Variants in PHKB observed in about 807,000 individuals in gnomAD.
PHKB encodes phosphorylase b kinase regulatory subunit beta.
In PHKB, 122 loss-of-function variants were observed where a neutral mutation model predicts 152.1. The observed-to-expected ratio is 0.80, with a 90% confidence interval of 0.69 to 0.93. The LOEUF is 0.93. PHKB is among the 40% of genes least tolerant of loss of function. The pLI, the probability that PHKB is intolerant of heterozygous loss-of-function variation, is 0.00. For synonymous variants in PHKB, 436 were observed against 464.9 expected (o/e 0.94, Z 0.80); for missense variants, 1,304 against 1,328.4 (o/e 0.98, Z 0.29).
chr16:47,533,307 C>T (rs1970894225), intron 6 of PHKB, among the ~76,000 whole-genome samples: 2 of 152,134 alleles, frequency 1.3e-5, no homozygotes, highest in South Asian at 2.1e-4. Context: ...AAAAAAGGCA[C>T]CACACGTTCT....
chr16:47,553,668 G>T (rs1386382906), intron 7 of PHKB, among the ~76,000 whole-genome samples: 1 of 152,130 alleles, frequency 6.6e-6, no homozygotes, highest in Non-Finnish European at 1.5e-5. Flanking sequence ...CCTGTTCGTC[G>T]ATTTATCTAC....
intron 14 of PHKB, among the ~76,000 whole-genome samples, chr16:47,631,726 G>A (rs1236046827): frequency 2.6e-5 from 4 of 152,144 alleles, no homozygotes; most frequent in African/African-American, 9.7e-5. Context: ...AAAACATGCA[G>A]TGTTTGGTTT....
At chr16:47,552,032 C>A (rs1354856014) in intron 7 of PHKB, among the ~76,000 whole-genome samples, 2 of 152,152 alleles carry the variant, frequency 1.3e-5, no homozygotes, top group African/African-American at 2.4e-5. Flanking sequence ...ACTAGGATTG[C>A]CACCCTGCTT....
At chr16:47,540,985 G>T (rs112760877) in intron 6 of PHKB, among the ~76,000 whole-genome samples, 2 of 151,552 alleles carry the variant, frequency 1.3e-5, no homozygotes. Flanking sequence ...ACATCACCAC[G>T]CCTGGCTAAT....
intron 5 of PHKB, among the ~76,000 whole-genome samples, chr16:47,514,797 T>C (rs562454167): frequency 1.3e-5 from 2 of 152,370 alleles, no homozygotes; most frequent in African/African-American, 4.8e-5. Flanking sequence ...CCATTCAGGA[T>C]TCTGTGAGTA....
At chr16:47,504,272 G>A (rs1270800511) in intron 4 of PHKB, among the ~76,000 whole-genome samples, 2 of 152,206 alleles carry the variant, frequency 1.3e-5, no homozygotes, top group Non-Finnish European at 1.5e-5. Flanking sequence ...TATGTAAAAT[G>A]TCTGTCAGGG....
At position 47,650,200 on chromosome 16, in the gene PHKB, C is replaced by A. The variant is rs187384744; in HGVS notation, c.1798-344C>A. Reference sequence around the variant, plus strand: ...GCTGAGGCAGGTGGATCACTTGAGCCCAGGAGTTCTAGACCAGTCTTGGCA... The same window carrying A: ...GCTGAGGCAGGTGGATCACTTGAGCACAGGAGTTCTAGACCAGTCTTGGCA... On this transcript the variant is annotated intron_variant, in intron 18 of 30. Coordinates refer to ENST00000323584, the MANE Select transcript of PHKB (RefSeq NM_000293.3). Among the ~76,000 whole-genome samples the A allele has an allele frequency of 7.9e-5, 12 of 151,822 alleles. No individual in the cohort carries two copies. In the East Asian group the frequency reaches 2.3e-3, roughly 29 times the overall value.
intron 26 of PHKB, among the ~76,000 whole-genome samples, chr16:47,673,779 A>G (rs1258257837): frequency 3.3e-5 from 5 of 152,232 alleles, no homozygotes; most frequent in African/African-American, 7.2e-5. Context: ...GCAATGAATA[A>G]TAGAAGAAGA....
intron 14 of PHKB, among the ~76,000 whole-genome samples, chr16:47,640,125 A>G (rs1205988716): frequency 2.0e-5 from 3 of 152,208 alleles, no homozygotes; most frequent in Non-Finnish European, 4.4e-5. Context: ...TTTACTGCTG[A>G]TATATGTATG....
chr16:47,693,249 A>T, intron 27 of PHKB, 129 bp from the exon 28 acceptor site: 1 of 837,246 alleles, frequency 1.2e-6, no homozygotes, highest in Non-Finnish European at 2.0e-6. Flanking sequence ...ACACACGGAG[A>T]TATGCATCAT....
intron 13 of PHKB, among the ~76,000 whole-genome samples, chr16:47,602,628 TCAGA>T (rs1001076339): frequency 6.7e-6 from 1 of 149,078 alleles, no homozygotes; most frequent in Non-Finnish European, 1.5e-5. Context: ...AGCTTAGGAA[TCAGA>T]CAGTCCAGGA....
At chr16:47,584,915 G>C (rs2151695297) in intron 8 of PHKB, among the ~76,000 whole-genome samples, 1 of 152,256 alleles carries the variant, frequency 6.6e-6, no homozygotes, top group East Asian at 1.9e-4. Context: ...CTTTTTAATT[G>C]AGACCAGTGA....
At chr16:47,551,879 TTA>T (rs1286544525) in intron 7 of PHKB, among the ~76,000 whole-genome samples, 2 of 152,194 alleles carry the variant, frequency 1.3e-5, no homozygotes, top group Admixed American at 6.5e-5. Flanking sequence ...AGGGCTTGCT[TTA>T]TGAATCTGGG....
intron 6 of PHKB, among the ~76,000 whole-genome samples, chr16:47,536,902 G>GT (rs981809347): frequency 3.3e-5 from 5 of 152,202 alleles, no homozygotes; most frequent in African/African-American, 1.2e-4. Flanking sequence ...ACTAAGAAAA[G>GT]TTTTGAACGG....
chr16:47,534,317 T>C (rs1970915129), intron 6 of PHKB, among the ~76,000 whole-genome samples: 2 of 152,334 alleles, frequency 1.3e-5, no homozygotes, highest in East Asian at 1.9e-4. Flanking sequence ...GACTTAGCCA[T>C]ACCTCACTGG....
In PHKB at chr16:47,476,856, T is replaced by G. The variant is rs149917618; in HGVS notation, c.76+15430T>G. Reference sequence around the variant, plus strand: ...GAGTTTGGATCATATGATGCCCCAGTGGCTCTTCAGTTTCTAAAGAATAAA... The same window carrying G: ...GAGTTTGGATCATATGATGCCCCAGGGGCTCTTCAGTTTCTAAAGAATAAA... On this transcript the variant is annotated intron_variant, in intron 1 of 30. Coordinates refer to ENST00000323584, the MANE Select transcript of PHKB (RefSeq NM_000293.3). Among the ~76,000 whole-genome samples the G allele has an allele frequency of 1.4e-3, 218 of 152,320 alleles. 2 individuals carry two copies. The South Asian group carries it at 0.015, about 10-fold the overall frequency.
rs1157773484 is a variant in PHKB, at chr16:47,565,595, C to T, written c.711-14700C>T. ...TCATTTTCTAAAGACTTCTCACTCT[C>T]CCTCGTGCATTTCTGCCGGATGTGG... is the stretch of plus-strand genomic sequence containing the variant. On this transcript the variant is annotated intron_variant, in intron 7 of 30. Coordinates refer to ENST00000323584, the MANE Select transcript of PHKB (RefSeq NM_000293.3). 4 of 1,060,422 alleles carry T rather than the reference C, an allele frequency of 3.8e-6. No individual in the cohort carries two copies. The African/African-American group carries it at 6.2e-5, about 17-fold the overall frequency. 65.7% of individuals were successfully genotyped at this position (1,060,422 alleles called of 1,614,324 possible). A position where few individuals can be genotyped will look rare whatever the true frequency, so the allele number is the denominator to read the frequency against.
In PHKB at chr16:47,694,734, G is replaced by A. The variant is rs905679133; in HGVS notation, c.2895+1227G>A. 5.3e-4 allele frequency among the ~76,000 whole-genome samples: 80 copies of A among 152,140 alleles called. 2 individuals are homozygous for A. The highest frequency in any genetic ancestry group is 4.6e-3 in the Admixed American group (71 of 15,274). ...CCATCTCTTGAGAGCAGAGAGCAGC[G>A]CCTCGTTGCTGGAGTTCAAACCCTC... On this transcript the variant is annotated intron_variant, in intron 28 of 30. Transcript: ENST00000323584.
At chr16:47,696,639 A>C in intron 29 of PHKB, 151 bp downstream of exon 29, 1 of 683,318 alleles carries the variant, frequency 1.5e-6, no homozygotes, top group Non-Finnish European at 2.7e-6. Context: ...TTCTTTCCGG[A>C]ACCTTGATCT....
Sources: gnomAD v4.1 joint callset for allele counts (sites outside exome capture counted in the v4.1 genomes callset) on GRCh38, gnomAD v4.1.1 for gene constraint, MANE v1.5 for transcripts, NCBI Gene and HGNC (gene_info 2026-07-23, HGNC 2026-07-21) for gene names.